The following CPPED1 variants were observed in gnomAD, a reference collection of about 807,000 sequenced individuals.
CPPED1 encodes the protein calcineurin like phosphoesterase domain containing 1, also known as serine/threonine-protein phosphatase CPPED1.
A neutral mutation model predicts 28.0 loss-of-function variants in CPPED1; 28 were observed. The ratio of observed to expected loss-of-function variants is 1.00; its 90% CI spans 0.74 to 1.37. The LOEUF is 1.37. Among genes scored for constraint, CPPED1 ranks in the 40% most tolerant of loss-of-function variants. The pLI is 0.00. For missense variants in CPPED1, 504 were observed against 416.5 expected, an observed-to-expected ratio of 1.21 and a Z score of -1.83; for synonymous variants, 198 against 180.2, an observed-to-expected ratio of 1.10 and a Z score of -0.79.
At chr16:12,764,944 C>T (rs1023884534) in intron 2 of CPPED1, among the ~76,000 whole-genome samples, 1 of 152,216 alleles carries the variant, frequency 6.6e-6, no homozygotes, top group Non-Finnish European at 1.5e-5. Flanking sequence ...CTTGACCTCA[C>T]CTGCCAGCCT....
rs948356699 is a variant in CPPED1 at position 12,803,748 on chromosome 16, A to C, written c.29T>G (p.Phe10Cys). 2 of 1,597,106 alleles carry C rather than the reference A, an allele frequency of 1.3e-6. No individual in the cohort carries two copies. The highest frequency in any genetic ancestry group is 1.7e-6 in the Non-Finnish European group (2 of 1,173,194). MSAAEAGGV[F>C]HRARGRTLAA... is the part of the protein sequence containing the mutation. ...CAGGGTCCTGCCCCTGGCTCTGTGG[A>C]AAACACCCCCCGCCTCTGCAGCCGA... The change falls in exon 1 of 4, where the codon TTC (phenylalanine) becomes TGC (cysteine). Residue 10 changes from phenylalanine to cysteine, a missense_variant. By Grantham distance (205) the Phe-to-Cys change is radical. Transcript: ENST00000381774.
Position 12,664,900 on chromosome 16 carries a change from T to A in CPPED1, c.931A>T (p.Ile311Phe). The A allele has an allele frequency of 1.2e-6, 2 of 1,605,948 alleles. No homozygotes were observed. Among genetic ancestry groups the A allele is most frequent in the Non-Finnish European group, 1.7e-6 (2 of 1,177,346 alleles). The change falls in exon 4 of 4, where the codon ATC becomes TTC. Residue 311 changes from isoleucine (I) to phenylalanine (F), a missense_variant. By Grantham distance (21) the Ile-to-Phe change is conservative. Transcript: ENST00000381774. The surrounding 1 kb of genome is among the most constrained non-coding windows in gnomAD (Gnocchi z 4.2). ...GGGAAGGAGCGTCATTTTTTCTTGA[T>A]CAAATCCATGAGATCGTCTTCTATT... ...KGIEDDLMDL[I>F]KKK
rs142928934 is a variant in CPPED1, at chr16:12,803,656, G to T, written c.70+51C>A. On this transcript the variant is annotated intron_variant, in intron 1 of 3. Coordinates refer to ENST00000381774, the MANE Select transcript of CPPED1 (RefSeq NM_018340.3). ...ACCTGAACAAAAGGTTCCCCCGGCG[G>T]AAGGTTCCGCAGCCCCAGAGTCCCC... The T allele has an allele frequency of 4.4e-4, 602 of 1,382,694 alleles. 4 individuals carry two copies. The African/African-American group carries it at 7.0e-3, about 16-fold the overall frequency. The allele number at this position is 1,382,694 out of a possible 1,614,324, so 85.7% of individuals were successfully genotyped here.
At chr16:12,681,979 C>T (rs1337503466) in intron 3 of CPPED1, among the ~76,000 whole-genome samples, 1 of 152,118 alleles carries the variant, frequency 6.6e-6, no homozygotes, top group Non-Finnish European at 1.5e-5. Context: ...CATAGCATCA[C>T]TTCCCTATCC....
At chr16:12,751,630 T>C (rs1301724886) in intron 2 of CPPED1, among the ~76,000 whole-genome samples, 1 of 152,170 alleles carries the variant, frequency 6.6e-6, no homozygotes, top group Non-Finnish European at 1.5e-5. Context: ...TCTCCAAATG[T>C]CTCATTACCT....
At chr16:12,802,939 G>C (rs777228383) in intron 1 of CPPED1, among the ~76,000 whole-genome samples, 1 of 152,212 alleles carries the variant, frequency 6.6e-6, no homozygotes, top group African/African-American at 2.4e-5. Context: ...TAAAGCTGGT[G>C]AGAGCCTGGG....
chr16:12,754,869 C>T (rs1048919219), intron 2 of CPPED1, among the ~76,000 whole-genome samples: 10 of 151,998 alleles, frequency 6.6e-5, no homozygotes, highest in East Asian at 1.9e-4. Context: ...TAAATTAGGC[C>T]GGCATGGTGG....
At chr16:12,717,055 G>A (rs2080110657) in intron 2 of CPPED1, among the ~76,000 whole-genome samples, 1 of 152,178 alleles carries the variant, frequency 6.6e-6, no homozygotes, top group Non-Finnish European at 1.5e-5. Flanking sequence ...GGGGAAAGAA[G>A]GTGGGGAGGG....
intron 3 of CPPED1, among the ~76,000 whole-genome samples, chr16:12,698,005 G>A (rs539609824): frequency 3.3e-5 from 5 of 152,186 alleles, no homozygotes; most frequent in Non-Finnish European, 7.4e-5. Flanking sequence ...AGCTACTTGG[G>A]AGGCTGAGTC....
intron 2 of CPPED1, among the ~76,000 whole-genome samples, chr16:12,715,871 T>A (rs2080104683): frequency 6.6e-6 from 1 of 152,176 alleles, no homozygotes; most frequent in Admixed American, 6.5e-5. Flanking sequence ...CTGCAGCCCG[T>A]ATGCAGCCCA....
intron 2 of CPPED1, among the ~76,000 whole-genome samples, chr16:12,719,284 G>A (rs561806478): frequency 2.0e-5 from 3 of 152,032 alleles, no homozygotes; most frequent in Non-Finnish European, 2.9e-5. Flanking sequence ...CCAGCTACTC[G>A]GGAAGCTGAG....
At chr16:12,734,172 C>T (rs1489391413) in intron 2 of CPPED1, among the ~76,000 whole-genome samples, 1 of 139,580 alleles carries the variant, frequency 7.2e-6, no homozygotes, top group Non-Finnish European at 1.5e-5. Flanking sequence ...CGGGTTCAAG[C>T]GATTCTCCTG....
intron 1 of CPPED1, among the ~76,000 whole-genome samples, chr16:12,794,129 T>A (rs535799189): frequency 6.6e-6 from 1 of 152,228 alleles, no homozygotes; most frequent in South Asian, 2.1e-4. Context: ...ATGTCCCCAC[T>A]GTGAAGCTGC....
chr16:12,723,451 C>T (rs2080152948), intron 2 of CPPED1, among the ~76,000 whole-genome samples: 1 of 152,072 alleles, frequency 6.6e-6, no homozygotes, highest in Non-Finnish European at 1.5e-5. Context: ...TTAGTTCAGC[C>T]TGACTGGAGT....
intron 3 of CPPED1, among the ~76,000 whole-genome samples, chr16:12,685,029 C>G (rs760473907): frequency 6.6e-6 from 1 of 152,210 alleles, no homozygotes; most frequent in Admixed American, 6.5e-5. Context: ...GCCTTACTCA[C>G]GACAGGGTGG....
chr16:12,799,341 G>T (rs1278663394), intron 1 of CPPED1, among the ~76,000 whole-genome samples: 1 of 151,710 alleles, frequency 6.6e-6, no homozygotes, highest in Non-Finnish European at 1.5e-5. Context: ...CGCCTCTCAG[G>T]TTCAAGTGAT....
At position 12,705,057 on chromosome 16, in the gene CPPED1, A is replaced by C. The variant is rs376479651; in HGVS notation, c.290-8T>G. On this transcript the variant is annotated splice_polypyrimidine_tract_variant and splice_region_variant and intron_variant, in intron 2 of 3. Coordinates refer to ENST00000381774, the MANE Select transcript of CPPED1 (RefSeq NM_018340.3). Reference sequence around the variant, plus strand: ...CCGTCCGCCACGGCTTCCCTGGAAGAGTGAGGGTCACGTCCTGAGAAAGCC... The same window carrying C: ...CCGTCCGCCACGGCTTCCCTGGAAGCGTGAGGGTCACGTCCTGAGAAAGCC... 2.3e-4 allele frequency: 376 copies of C among 1,601,286 alleles called. No homozygotes were observed. Among genetic ancestry groups the C allele is most frequent in the Non-Finnish European group, 3.0e-4 (348 of 1,171,480 alleles).
intron 3 of CPPED1, among the ~76,000 whole-genome samples, chr16:12,680,934 G>C (rs1268850314): frequency 6.6e-6 from 1 of 152,098 alleles, no homozygotes; most frequent in African/African-American, 2.4e-5. Flanking sequence ...TGGTCCATGT[G>C]ATATAAAGCA....
intron 2 of CPPED1, among the ~76,000 whole-genome samples, chr16:12,764,729 C>G (rs2080429473): frequency 6.6e-6 from 1 of 152,216 alleles, no homozygotes; most frequent in Non-Finnish European, 1.5e-5. Flanking sequence ...CAACCACCTC[C>G]CACCCTCTTG....
Sources: allele counts gnomAD v4.1 joint callset (sites outside exome capture counted in the v4.1 genomes callset), GRCh38; gene constraint gnomAD v4.1.1; non-coding constraint Gnocchi (gnomAD v3.1); transcripts MANE v1.5; gene names NCBI Gene and HGNC (gene_info 2026-07-23, HGNC 2026-07-21).